Variants in LPP observed in about 807,000 individuals in gnomAD.
LPP encodes the protein LIM domain containing preferred translocation partner in lipoma.
LPP carries 38 observed loss-of-function variants against 60.4 expected under a neutral mutation model. The observed-to-expected ratio is 0.63, with a 90% CI of 0.49 to 0.83. The LOEUF (loss-of-function observed/expected upper bound fraction) is 0.83. Ranked by LOEUF, LPP falls within the 40% of genes least tolerant of loss-of-function variation. The pLI, the probability that LPP is intolerant of heterozygous loss-of-function variation, is 0.00. For synonymous variants in LPP, 328 were observed against 290.8 expected, an observed-to-expected ratio of 1.13 and a Z score of -1.30; for missense variants, 902 against 783.6, an observed-to-expected ratio of 1.15 and a Z score of -1.80.
chr3:188,512,924 A>C (rs544131499), intron 5 of LPP, among the ~76,000 whole-genome samples: 1 of 152,218 alleles, frequency 6.6e-6, no homozygotes, highest in Non-Finnish European at 1.5e-5. Flanking sequence ...AAACAAAATC[A>C]ATAGCAAAAT....
intron 9 of LPP, among the ~76,000 whole-genome samples, chr3:188,785,547 T>TATATATATATATATATACACACACACAC (rs1206082559): frequency 2.3e-5 from 1 of 43,838 alleles, no homozygotes; most frequent in African/African-American, 9.4e-5. Flanking sequence ...TATATATATA[T>TATATATATATATATATACACACACACAC]ACACACACAC....
intron 8 of LPP, among the ~76,000 whole-genome samples, chr3:188,722,783 A>G (rs541502232): frequency 3.9e-5 from 6 of 152,360 alleles, no homozygotes; most frequent in African/African-American, 1.4e-4. Flanking sequence ...ATCAAATTAA[A>G]TAAGTCGGTA....
At chr3:188,157,167 C>G (rs755144184) in intron 1 of LPP, among the ~76,000 whole-genome samples, 1 of 152,180 alleles carries the variant, frequency 6.6e-6, no homozygotes, top group Non-Finnish European at 1.5e-5. Flanking sequence ...TATGAATGTA[C>G]AGTGCTTTGC....
At chr3:188,229,577 A>C (rs1204276045) in intron 2 of LPP, among the ~76,000 whole-genome samples, 1 of 152,206 alleles carries the variant, frequency 6.6e-6, no homozygotes, top group Non-Finnish European at 1.5e-5. Flanking sequence ...TTGCTTCAAA[A>C]ATTACAAGAG....
chr3:188,242,608 G>C (rs1725375927), intron 2 of LPP, among the ~76,000 whole-genome samples: 1 of 152,054 alleles, frequency 6.6e-6, no homozygotes, highest in African/African-American at 2.4e-5. Flanking sequence ...TAGAGAGTTA[G>C]GTACACAAAT....
At chr3:188,517,760 T>C (rs761431100) in intron 5 of LPP, among the ~76,000 whole-genome samples, 12 of 152,118 alleles carry the variant, frequency 7.9e-5, no homozygotes, top group Non-Finnish European at 1.5e-4. Context: ...GAGAACAGTA[T>C]GGAGGAAACT....
At chr3:188,527,673 ATATC>A (rs1560522993) in intron 6 of LPP, among the ~76,000 whole-genome samples, 2 of 151,874 alleles carry the variant, frequency 1.3e-5, no homozygotes, top group African/African-American at 4.8e-5. Flanking sequence ...ATCTCATCTC[ATATC>A]TGAAGACAGG....
At chr3:188,310,487 T>A (rs1044706798) in intron 2 of LPP, among the ~76,000 whole-genome samples, 3 of 152,158 alleles carry the variant, frequency 2.0e-5, no homozygotes, top group African/African-American at 7.2e-5. Flanking sequence ...GCTCATTCTT[T>A]GCTGACACAT....
intron 2 of LPP, among the ~76,000 whole-genome samples, chr3:188,279,289 C>G (rs2149891277): frequency 6.6e-6 from 1 of 152,312 alleles, no homozygotes; most frequent in East Asian, 1.9e-4. Flanking sequence ...TGAGTAGTTG[C>G]TTTGCCTACC....
intron 2 of LPP, among the ~76,000 whole-genome samples, chr3:188,265,792 T>C (rs1324429227): frequency 6.6e-6 from 1 of 151,866 alleles, no homozygotes; most frequent in Non-Finnish European, 1.5e-5. Context: ...TCCTGTAATG[T>C]TGGAGGCTTC....
At chr3:188,730,408 C>T (rs1720007414) in intron 8 of LPP, among the ~76,000 whole-genome samples, 1 of 152,148 alleles carries the variant, frequency 6.6e-6, no homozygotes, top group African/African-American at 2.4e-5. Flanking sequence ...CTTTTTGTAC[C>T]ACGTATTTAC....
intron 9 of LPP, among the ~76,000 whole-genome samples, chr3:188,768,027 A>G (rs998822095): frequency 3.3e-5 from 5 of 152,164 alleles, no homozygotes; most frequent in Non-Finnish European, 7.4e-5. Flanking sequence ...ATTAGGAATG[A>G]AAAAGACACT....
chr3:188,628,334 T>C (rs1029402117), intron 7 of LPP, among the ~76,000 whole-genome samples: 1 of 151,206 alleles, frequency 6.6e-6, no homozygotes, highest in African/African-American at 2.4e-5. Flanking sequence ...CAAGAATAAA[T>C]AAGATTGTCA....
intron 9 of LPP, among the ~76,000 whole-genome samples, chr3:188,793,723 C>T (rs542617251): frequency 6.6e-6 from 1 of 152,172 alleles, no homozygotes; most frequent in East Asian, 1.9e-4. Context: ...GGTTTAATAT[C>T]AGTGAAAGAA....
chr3:188,637,735 C>T (rs1467239416), intron 7 of LPP, among the ~76,000 whole-genome samples: 1 of 152,186 alleles, frequency 6.6e-6, no homozygotes, highest in East Asian at 1.9e-4. Flanking sequence ...CCTACAAACA[C>T]CTCTACGCAA....
chr3:188,590,701 A>C (rs1245318031), intron 6 of LPP, among the ~76,000 whole-genome samples: 1 of 152,192 alleles, frequency 6.6e-6, no homozygotes, highest in African/African-American at 2.4e-5. Context: ...AATACTAGAG[A>C]GTGGTGAAGA....
intron 1 of LPP, among the ~76,000 whole-genome samples, chr3:188,192,054 G>A (rs1577205685): frequency 6.6e-6 from 1 of 152,034 alleles, no homozygotes; most frequent in Admixed American, 6.6e-5. Context: ...AATGAGTAAG[G>A]GAATATTTAA....
intron 7 of LPP, among the ~76,000 whole-genome samples, chr3:188,668,305 A>G (rs1488246888): frequency 6.6e-6 from 1 of 152,190 alleles, no homozygotes; most frequent in Non-Finnish European, 1.5e-5. Flanking sequence ...TTATGCCTGG[A>G]CATGAACAAT....
At chr3:188,579,211 C>T (rs115150029) in intron 6 of LPP, among the ~76,000 whole-genome samples, 1 of 152,090 alleles carries the variant, frequency 6.6e-6, no homozygotes, top group Non-Finnish European at 1.5e-5. Context: ...CAAAAGCATC[C>T]CAGGGGATTT....
Sources: gnomAD v4.1 joint callset for allele counts (sites outside exome capture counted in the v4.1 genomes callset) on GRCh38, gnomAD v4.1.1 for gene constraint, MANE v1.5 for transcripts, NCBI Gene and HGNC (gene_info 2026-07-23, HGNC 2026-07-21) for gene names.